Variants in ANKRD34B observed in about 807,000 individuals in gnomAD.
The protein encoded by ANKRD34B is ankyrin repeat domain-containing protein 34B.
Under a neutral mutation model 4.4 loss-of-function variants are expected in ANKRD34B, and 2 were observed. That is an observed-to-expected ratio of 0.46 (90% CI 0.19 to 1.44). The LOEUF is 1.44. Ranked by LOEUF, ANKRD34B falls within the 40% of genes most tolerant of loss-of-function variation. The pLI, the probability that ANKRD34B is intolerant of heterozygous loss-of-function variation, is 0.26. For synonymous variants in ANKRD34B, 226 were observed against 227.1 expected (o/e 0.99, Z 0.05); for missense variants, 558 against 604.7 (o/e 0.92, Z 0.81).
rs1350150818 is a variant in ANKRD34B, at chr5:80,559,209, T to C, written c.811A>G (p.Ile271Val). Residue 271 changes from isoleucine (I) to valine (V), a missense_variant, in exon 5 of 5, where the codon ATT becomes GTT. Physicochemically the swap from Ile to Val is conservative, Grantham distance 29. Transcript: ENST00000338682. ...VASLQEELQD[I>V]TPEEELSYKT... is the part of the protein sequence containing the mutation. ...TAGGATAGTTCTTCCTCTGGTGTAA[T>C]ATCCTGGAGCTCCTCTTGCAATGAA... 9 of 1,614,200 alleles carry C rather than the reference T, an allele frequency of 5.6e-6. No homozygotes were observed. Among genetic ancestry groups the C allele is most frequent in the Admixed American group, 1.7e-5 (1 of 60,034 alleles).
At chr5:80,567,396 G>A (rs6895102) in intron 2 of ANKRD34B, among the ~76,000 whole-genome samples, 47 of 151,426 alleles carry the variant, frequency 3.1e-4, no homozygotes, top group African/African-American at 9.4e-4. Flanking sequence ...GAGGGGGAGC[G>A]GATCAACTGA....
chr5:80,562,052 C>CGTGTGTGTGTGTGTGTGTGT (rs56934964), intron 4 of ANKRD34B, among the ~76,000 whole-genome samples: 1 of 128,256 alleles, frequency 7.8e-6, no homozygotes, highest in Admixed American at 8.2e-5. Flanking sequence ...ACTGACTCAG[C>CGTGTGTGTGTGTGTGTGTGT]GTGTGTGTGT....
At chr5:80,560,588 G>T (rs1746385114) in intron 4 of ANKRD34B, among the ~76,000 whole-genome samples, 1 of 152,124 alleles carries the variant, frequency 6.6e-6, no homozygotes, top group African/African-American at 2.4e-5. Context: ...TTGAGCCCAG[G>T]AGTTTGAGGT....
At chr5:80,567,275 C>G (rs1201513448) in intron 2 of ANKRD34B, among the ~76,000 whole-genome samples, 1 of 152,046 alleles carries the variant, frequency 6.6e-6, no homozygotes. Context: ...ATAGGCCAGG[C>G]CTTTCCTGTG....
intron 4 of ANKRD34B, among the ~76,000 whole-genome samples, chr5:80,562,495 A>T (rs147987775): frequency 1.3e-5 from 2 of 152,308 alleles, no homozygotes; most frequent in African/African-American, 4.8e-5. Context: ...CAGGGGAATA[A>T]GTGATTGCTT....
chr5:80,567,842 C>T (rs1004752929), intron 2 of ANKRD34B, among the ~76,000 whole-genome samples: 2 of 151,916 alleles, frequency 1.3e-5, no homozygotes, highest in Non-Finnish European at 2.9e-5. Flanking sequence ...AAAGACTGCT[C>T]AGATGAGGCA....
intron 2 of ANKRD34B, among the ~76,000 whole-genome samples, chr5:80,567,106 C>T (rs1437596352): frequency 2.6e-5 from 4 of 152,168 alleles, no homozygotes. Context: ...ACCTGTTTGC[C>T]AGAGGTCAAT....
chr5:80,558,635 T>C lies in ANKRD34B; in HGVS notation c.1385A>G (p.Asp462Gly), dbSNP rs759358513. The change falls in exon 5 of 5, where the codon GAT becomes GGT. Residue 462 changes from aspartate (D) to glycine (G), a missense_variant. Coordinates refer to ENST00000338682, the MANE Select transcript of ANKRD34B (RefSeq NM_001004441.3). ...LNVNSHPPIS[D>G]INVNNKICSL... ...GCAAATCTTGTTGTTGACATTGATA[T>C]CTGAGATGGGAGGGTGAGAATTTAC... is the stretch of plus-strand genomic sequence containing the variant. The C allele has an allele frequency of 8.7e-6, 14 of 1,614,064 alleles. No individual in the cohort carries two copies. The Admixed American group carries it at 2.3e-4, about 27-fold the overall frequency.
chr5:80,562,240 C>G (rs1746425531), intron 4 of ANKRD34B, among the ~76,000 whole-genome samples: 2 of 152,076 alleles, frequency 1.3e-5, no homozygotes. Context: ...TGCAGAATGT[C>G]AGCTCCACCC....
chr5:80,558,290 C>A lies in ANKRD34B; in HGVS notation c.*185G>T. On this transcript the variant is annotated 3_prime_UTR_variant, in exon 5 of 5. Coordinates refer to ENST00000338682, the MANE Select transcript of ANKRD34B (RefSeq NM_001004441.3). ...CTTTTGTTTGAGAGAATTCCCTTAA[C>A]AGAAACTATGTATTATTTTTTATGC... 2.1e-6 allele frequency: 1 copy of A among 471,596 alleles called. No individual in the cohort carries two copies. The allele number at this position is 471,596 out of a possible 1,614,324, so 29.2% of individuals were successfully genotyped here.
intron 3 of ANKRD34B, among the ~76,000 whole-genome samples, chr5:80,565,624 T>G (rs249221): frequency 0.9 from 136,966 of 152,298 alleles, 61,872 homozygotes; most frequent in East Asian, 1. Flanking sequence ...TCTAGAGAAA[T>G]ACTTTCTTGT....
At chr5:80,561,346 C>T (rs173606) in intron 4 of ANKRD34B, among the ~76,000 whole-genome samples, 136,948 of 152,156 alleles carry the variant, frequency 0.9, 61,926 homozygotes, top group East Asian at 1. Flanking sequence ...TTTTTGGAAA[C>T]TGAAAACTAT....
At chr5:80,566,448 C>A (rs997124427) in intron 3 of ANKRD34B, among the ~76,000 whole-genome samples, 1 of 152,148 alleles carries the variant, frequency 6.6e-6, no homozygotes, top group Admixed American at 6.6e-5. Flanking sequence ...CAGAAAGGCT[C>A]CAAACTTAGA....
At chr5:80,567,599 T>A (rs574427553) in intron 2 of ANKRD34B, among the ~76,000 whole-genome samples, 1 of 77,062 alleles carries the variant, frequency 1.3e-5, no homozygotes, top group South Asian at 4.5e-4. Flanking sequence ...CCAGCCCGGG[T>A]GACAAAAGCA....
chr5:80,560,648 G>A (rs1005337274), intron 4 of ANKRD34B, among the ~76,000 whole-genome samples: 11 of 152,110 alleles, frequency 7.2e-5, no homozygotes, highest in African/African-American at 2.4e-4. Context: ...GTGACAGAGT[G>A]AGAACCTGTC....
intron 2 of ANKRD34B, among the ~76,000 whole-genome samples, chr5:80,567,448 C>G (rs1746602620): frequency 6.6e-6 from 1 of 151,198 alleles, no homozygotes; most frequent in South Asian, 2.1e-4. Context: ...TGGTGAAACT[C>G]CATCTCTACT....
rs745792603 is a variant in ANKRD34B at position 80,559,991 on chromosome 5, T to G, written c.29A>C (p.Glu10Ala). 2 of 1,594,262 alleles carry G rather than the reference T, an allele frequency of 1.3e-6. No individual in the cohort carries two copies. Among genetic ancestry groups the G allele is most frequent in the South Asian group, 2.3e-5 (2 of 88,710 alleles). Reference sequence around the variant, plus strand: ...GACTGCTTTGATCAAGGAATTTCCTTCACTTGAAATTTCCATACCTTCATC... The same window carrying G: ...GACTGCTTTGATCAAGGAATTTCCTGCACTTGAAATTTCCATACCTTCATC... MDEGMEISS[E>A]GNSLIKAVHQ... The change falls in exon 5 of 5, where the codon GAA (glutamate) becomes GCA (alanine). Residue 10 changes from glutamate to alanine, a missense_variant. By Grantham distance (107) the Glu-to-Ala change is moderately radical (BLOSUM62 -1). Coordinates refer to ENST00000338682, the MANE Select transcript of ANKRD34B (RefSeq NM_001004441.3).
chr5:80,559,084 G>A lies in ANKRD34B; in HGVS notation c.936C>T (p.Ala312=), dbSNP rs1746337715. 3.1e-6 allele frequency: 5 copies of A among 1,614,184 alleles called. No homozygotes were observed. Among genetic ancestry groups the A allele is most frequent in the Middle Eastern group, 1.7e-4 (1 of 6,060 alleles). The part of the protein sequence containing the change: ...TAHLLRAFDQ[A]SSRKMSYDEI... ...CATCATATGACATCTTCCTTGAGCTGGCCTGATCAAAGGCTCTTAGCAAAT... is the reference window on the plus strand; with the variant it reads ...CATCATATGACATCTTCCTTGAGCTAGCCTGATCAAAGGCTCTTAGCAAAT... Residue 312 remains alanine, a synonymous_variant, in exon 5 of 5, where the codon GCC becomes GCT. Coordinates refer to ENST00000338682, the MANE Select transcript of ANKRD34B (RefSeq NM_001004441.3).
intron 4 of ANKRD34B, among the ~76,000 whole-genome samples, chr5:80,561,491 G>A (rs75610438): frequency 0.024 from 3,697 of 152,292 alleles, 155 homozygotes; most frequent in African/African-American, 0.084. Flanking sequence ...GAAGAAAAAA[G>A]AGAAAAGTAA....
Sources: allele counts gnomAD v4.1 joint callset (sites outside exome capture counted in the v4.1 genomes callset), GRCh38; gene constraint gnomAD v4.1.1; transcripts MANE v1.5; gene names NCBI Gene and HGNC (gene_info 2026-07-23, HGNC 2026-07-21).